The following NEGR1 variants were observed in gnomAD, a reference collection of about 807,000 sequenced individuals.
NEGR1 encodes neuronal growth regulator 1, also known as IgLON family member 4.
Under a neutral mutation model 40.9 loss-of-function variants are expected in NEGR1, and 10 were observed. That is an observed-to-expected ratio of 0.24 (90% confidence interval 0.15 to 0.42). The LOEUF is 0.42. Ranked by LOEUF, NEGR1 falls within the 10% of genes least tolerant of loss-of-function variation. The probability of loss-of-function intolerance (pLI) is 1.00; values close to 1 mark genes in which losing one functional copy is unlikely to be tolerated. For missense variants in NEGR1, 352 were observed against 438.9 expected (o/e 0.80, Z 1.77); for synonymous variants, 185 against 166.8 (o/e 1.11, Z -0.84).
At chr1:71,964,843 C>G (rs1042651592) in intron 1 of NEGR1, among the ~76,000 whole-genome samples, 1 of 151,590 alleles carries the variant, frequency 6.6e-6, no homozygotes, top group Non-Finnish European at 1.5e-5. Flanking sequence ...AAATCACTCC[C>G]TAAAGTGTGT....
intron 2 of NEGR1, among the ~76,000 whole-genome samples, chr1:71,819,043 A>T (rs1468200119): frequency 6.6e-6 from 1 of 152,006 alleles, no homozygotes; most frequent in Non-Finnish European, 1.5e-5. Flanking sequence ...TTTTATACAA[A>T]GAAGTCAGCA....
At chr1:72,200,686 G>T (rs1290982995) in intron 1 of NEGR1, among the ~76,000 whole-genome samples, 4 of 151,842 alleles carry the variant, frequency 2.6e-5, no homozygotes, top group Non-Finnish European at 4.4e-5. Flanking sequence ...ATGACATGTA[G>T]ATTTTCCTTA....
chr1:71,801,084 T>A (rs1401364412), intron 2 of NEGR1, among the ~76,000 whole-genome samples: 1 of 152,168 alleles, frequency 6.6e-6, no homozygotes, highest in Non-Finnish European at 1.5e-5. Flanking sequence ...TCAGCTCTCA[T>A]CTTACTTAGT....
intron 4 of NEGR1, among the ~76,000 whole-genome samples, chr1:71,675,770 G>T (rs559489113): frequency 2.1e-5 from 3 of 145,962 alleles, no homozygotes; most frequent in Middle Eastern, 3.4e-3. Flanking sequence ...TAGTTTTTTG[G>T]TTTTTGTTGT....
chr1:72,013,794 C>T (rs556304792), intron 1 of NEGR1, among the ~76,000 whole-genome samples: 3 of 150,538 alleles, frequency 2.0e-5, no homozygotes, highest in South Asian at 2.1e-4. Flanking sequence ...TTCAAACATT[C>T]GCTACCCTGA....
At chr1:71,652,409 A>G (rs1224572809) in intron 4 of NEGR1, among the ~76,000 whole-genome samples, 1 of 152,172 alleles carries the variant, frequency 6.6e-6, no homozygotes, top group South Asian at 2.1e-4. Flanking sequence ...AGTCAGCAAC[A>G]TGGTCAAATC....
At chr1:72,065,085 T>A (rs1278485776) in intron 1 of NEGR1, among the ~76,000 whole-genome samples, 1 of 152,076 alleles carries the variant, frequency 6.6e-6, no homozygotes, top group Non-Finnish European at 1.5e-5. Context: ...TGGATATATA[T>A]AAAGGTATAC....
At chr1:71,459,254 C>G (rs1646697678) in intron 6 of NEGR1, among the ~76,000 whole-genome samples, 1 of 152,098 alleles carries the variant, frequency 6.6e-6, no homozygotes, top group Non-Finnish European at 1.5e-5. Flanking sequence ...ATAAAGTCTT[C>G]TCTAATACTC....
At chr1:72,030,030 T>C (rs199779532) in intron 1 of NEGR1, among the ~76,000 whole-genome samples, 56 of 7,044 alleles carry the variant, frequency 8.0e-3, no homozygotes, top group Middle Eastern at 0.5. Context: ...GAGTGAAATA[T>C]GAAAAAAAAA....
intron 3 of NEGR1, among the ~76,000 whole-genome samples, chr1:71,764,053 A>C (rs1052643076): frequency 6.6e-6 from 1 of 152,220 alleles, no homozygotes; most frequent in Non-Finnish European, 1.5e-5. Context: ...AAAGCAAATA[A>C]AGTCAATTAT....
chr1:72,072,794 T>C (rs1647527351), intron 1 of NEGR1, among the ~76,000 whole-genome samples: 1 of 152,136 alleles, frequency 6.6e-6, no homozygotes, highest in Non-Finnish European at 1.5e-5. Flanking sequence ...GCTAATAGCA[T>C]GATCTGCCAA....
At chr1:71,423,738 T>C (rs994464040) in intron 6 of NEGR1, among the ~76,000 whole-genome samples, 12 of 152,044 alleles carry the variant, frequency 7.9e-5, no homozygotes, top group African/African-American at 2.9e-4. Flanking sequence ...GGGCAGGGCA[T>C]ATAAAGAATT....
chr1:71,618,944 C>T (rs1325311559), intron 4 of NEGR1, among the ~76,000 whole-genome samples: 1 of 152,098 alleles, frequency 6.6e-6, no homozygotes, highest in Non-Finnish European at 1.5e-5. Flanking sequence ...AAGCTGTATT[C>T]TACATCATAG....
intron 2 of NEGR1, among the ~76,000 whole-genome samples, chr1:71,867,075 G>A (rs1660135635): frequency 6.6e-6 from 1 of 152,198 alleles, no homozygotes; most frequent in Non-Finnish European, 1.5e-5. Flanking sequence ...TATCCTGGCC[G>A]GGTACTGTGG....
At chr1:71,647,874 T>A (rs1466192934) in intron 4 of NEGR1, among the ~76,000 whole-genome samples, 1 of 151,980 alleles carries the variant, frequency 6.6e-6, no homozygotes, top group Non-Finnish European at 1.5e-5. Flanking sequence ...TATTATAGTA[T>A]ACATGTGGCC....
At chr1:71,912,414 A>G (rs1428415033) in intron 2 of NEGR1, among the ~76,000 whole-genome samples, 1 of 152,148 alleles carries the variant, frequency 6.6e-6, no homozygotes, top group Non-Finnish European at 1.5e-5. Context: ...TCATGTCTCT[A>G]TTTTAAATTC....
At chr1:71,736,097 A>G (rs1265728832) in intron 3 of NEGR1, among the ~76,000 whole-genome samples, 1 of 152,130 alleles carries the variant, frequency 6.6e-6, no homozygotes, top group African/African-American at 2.4e-5. Context: ...TATCAAGTAC[A>G]TTGACCAAAG....
intron 1 of NEGR1, among the ~76,000 whole-genome samples, chr1:72,208,185 G>T (rs182124643): frequency 6.6e-6 from 1 of 151,778 alleles, no homozygotes; most frequent in Admixed American, 6.6e-5. Flanking sequence ...TGTGCATTGT[G>T]CCTGCATGCA....
chr1:72,173,709 G>A (rs145390829), intron 1 of NEGR1, among the ~76,000 whole-genome samples: 84 of 152,194 alleles, frequency 5.5e-4, no homozygotes, highest in Middle Eastern at 3.4e-3. Context: ...TGGAGGCCAG[G>A]GCAGGCAGAT....
Sources: allele counts gnomAD v4.1 joint callset (sites outside exome capture counted in the v4.1 genomes callset), GRCh38; gene constraint gnomAD v4.1.1; transcripts MANE v1.5; gene names NCBI Gene and HGNC (gene_info 2026-07-23, HGNC 2026-07-21).